The following KLF12 variants were observed in gnomAD, a reference collection of about 807,000 sequenced individuals.
KLF12 encodes the protein KLF transcription factor 12.
In KLF12, 9 loss-of-function variants were observed where a neutral mutation model predicts 37.8. That is an observed-to-expected ratio of 0.24 (90% CI 0.14 to 0.42). The LOEUF is 0.42. Ranked by LOEUF, KLF12 falls within the 10% of genes least tolerant of loss-of-function variation. The pLI is 1.00. For missense variants in KLF12, 411 were observed against 516.0 expected (o/e 0.80, Z 1.97); for synonymous variants, 208 against 202.1 (o/e 1.03, Z -0.25).
chr13:73,851,780 C>G (rs544967514), intron 3 of KLF12, among the ~76,000 whole-genome samples: 2 of 152,246 alleles, frequency 1.3e-5, no homozygotes, highest in East Asian at 3.9e-4. Context: ...GAAATTTACT[C>G]TATTTCACAT....
intron 3 of KLF12, among the ~76,000 whole-genome samples, chr13:73,904,372 T>C (rs1888173422): frequency 6.6e-6 from 1 of 151,824 alleles, no homozygotes; most frequent in Non-Finnish European, 1.5e-5. Flanking sequence ...CTATCGTAAA[T>C]GCAATTTTCA....
In KLF12 at chr13:74,088,747, G is replaced by A. The variant is rs754203849; in HGVS notation, c.-32+44992C>T. On this transcript the variant is annotated intron_variant, in intron 1 of 7. Transcript: ENST00000377669. ...ATTCAATGCCTAAACTTGTACTTCT[G>A]AAAAGTGAGAATGGTCATATTAACT... Among the ~76,000 whole-genome samples the A allele has an allele frequency of 1.7e-3, 261 of 152,146 alleles. 3 individuals carry two copies. Among genetic ancestry groups the A allele is most frequent in the Non-Finnish European group, 4.9e-4 (33 of 68,036 alleles).
intron 6 of KLF12, among the ~76,000 whole-genome samples, chr13:73,744,073 T>A (rs2137912342): frequency 6.6e-6 from 1 of 152,330 alleles, no homozygotes; most frequent in Non-Finnish European, 1.5e-5. Context: ...TTTCCATACC[T>A]CAAACAGACC....
intron 1 of KLF12, among the ~76,000 whole-genome samples, chr13:74,026,385 T>C (rs1468139910): frequency 6.6e-6 from 1 of 152,128 alleles, no homozygotes; most frequent in African/African-American, 2.4e-5. Flanking sequence ...ACTTATATAG[T>C]GAAAAAACAT....
chr13:74,205,496 T>A, the KLF12 span, among the ~76,000 whole-genome samples: 10 of 152,058 alleles, frequency 6.6e-5, no homozygotes, highest in African/African-American at 2.4e-4. Flanking sequence ...CCTACTCAAG[T>A]GTATTGAGTA....
At chr13:73,759,287 T>G (rs188148954) in intron 6 of KLF12, among the ~76,000 whole-genome samples, 246 of 152,306 alleles carry the variant, frequency 1.6e-3, no homozygotes, top group African/African-American at 5.7e-3. Flanking sequence ...GAACTGGAAT[T>G]TCCACATATT....
chr13:74,139,708 T>G, the KLF12 span, among the ~76,000 whole-genome samples: 2 of 152,276 alleles, frequency 1.3e-5, no homozygotes, highest in South Asian at 4.1e-4. Flanking sequence ...AACATTCAAT[T>G]TTTTAATACC....
chr13:74,272,648 G>A, the KLF12 span, among the ~76,000 whole-genome samples: 1 of 152,146 alleles, frequency 6.6e-6, no homozygotes, highest in East Asian at 1.9e-4. Flanking sequence ...TGATAACAAA[G>A]AGCTGAAAGA....
In KLF12 at chr13:73,769,214, C is replaced by T. The variant is rs1198879454; in HGVS notation, c.807-4214G>A. Among the ~76,000 whole-genome samples the T allele has an allele frequency of 3.3e-5, 5 of 152,178 alleles. No homozygotes were observed. The East Asian group carries it at 9.6e-4, about 29-fold the overall frequency. Reference sequence around the variant, plus strand: ...TTTAGAGGGCAGAAATTAATTCTAGCTATAGCCATGCTTCCTCACATTCCA... The same window carrying T: ...TTTAGAGGGCAGAAATTAATTCTAGTTATAGCCATGCTTCCTCACATTCCA... On this transcript the variant is annotated intron_variant, in intron 5 of 7. Transcript: ENST00000377669.
intron 5 of KLF12, among the ~76,000 whole-genome samples, chr13:73,787,175 T>C (rs922384532): frequency 6.6e-6 from 1 of 152,210 alleles, no homozygotes; most frequent in East Asian, 1.9e-4. Flanking sequence ...GTAACATCTG[T>C]AACAACTATA....
intron 2 of KLF12, among the ~76,000 whole-genome samples, chr13:73,985,947 T>C (rs1342743838): frequency 6.6e-6 from 1 of 152,310 alleles, no homozygotes. Flanking sequence ...TGGCTAGGTA[T>C]TAACTAAACT....
In KLF12 at chr13:74,110,625, G is replaced by A. The variant is rs138478685; in HGVS notation, c.-32+23114C>T. On this transcript the variant is annotated intron_variant, in intron 1 of 7. Coordinates refer to ENST00000377669, the MANE Select transcript of KLF12 (RefSeq NM_007249.5). ...GGTAGTACAGTGCTCAGAGGGGTAA[G>A]CAACTAAACAGGTCCTGGAAATAAA... is the stretch of plus-strand genomic sequence containing the variant. Among the ~76,000 whole-genome samples, 268 of 152,168 alleles carry A rather than the reference G, an allele frequency of 1.8e-3. 1 individual carries two copies. The highest frequency in any genetic ancestry group is 6.0e-3 in the African/African-American group (248 of 41,512).
Position 73,732,250 on chromosome 13 carries a change from A to AT in KLF12, c.870-16726dup, listed in dbSNP as rs879472800. Among the ~76,000 whole-genome samples the AT allele has an allele frequency of 3.8e-3, 555 of 146,402 alleles. 6 individuals carry two copies. The highest frequency in any genetic ancestry group is 0.012 in the African/African-American group (500 of 40,044). ...AGGCACCCACCACCACACCTGGCTA[A>AT]TTTTTTTTTTTGTATTTTTAGTAGA... On this transcript the variant is annotated intron_variant, in intron 6 of 7. Transcript: ENST00000377669.
intron 5 of KLF12, among the ~76,000 whole-genome samples, chr13:73,786,747 A>G (rs1258910825): frequency 5.6e-5 from 7 of 124,452 alleles, no homozygotes; most frequent in African/African-American, 1.2e-4. Context: ...AAAAATAAAA[A>G]TTACAAATAC....
intron 1 of KLF12, among the ~76,000 whole-genome samples, chr13:74,072,454 T>G (rs1874327617): frequency 7.1e-6 from 1 of 141,476 alleles, no homozygotes; most frequent in Non-Finnish European, 1.5e-5. Context: ...TAGCATACAA[T>G]CTGCCAGGTA....
chr13:73,716,297 T>C (rs1235010351), intron 6 of KLF12, among the ~76,000 whole-genome samples: 3 of 152,172 alleles, frequency 2.0e-5, no homozygotes, highest in Admixed American at 6.5e-5. Flanking sequence ...AAAATCTTAA[T>C]CTCTTTTGAT....
the KLF12 span, among the ~76,000 whole-genome samples, chr13:74,249,759 C>T: frequency 6.6e-6 from 1 of 152,068 alleles, no homozygotes; most frequent in Admixed American, 6.6e-5. Context: ...CTGAGAAATG[C>T]TCTGTGGGGT....
intron 1 of KLF12, among the ~76,000 whole-genome samples, chr13:74,123,483 A>G (rs1877758216): frequency 6.6e-6 from 1 of 152,234 alleles, no homozygotes; most frequent in Non-Finnish European, 1.5e-5. Flanking sequence ...CCTACATTGT[A>G]GGACAAAGCC....
chr13:73,890,209 T>C (rs1887435716), intron 3 of KLF12, among the ~76,000 whole-genome samples: 1 of 152,092 alleles, frequency 6.6e-6, no homozygotes, highest in South Asian at 2.1e-4. Context: ...CTGCCTGACA[T>C]AAATATCAAG....
Sources: gnomAD v4.1 joint callset for allele counts (sites outside exome capture counted in the v4.1 genomes callset) on GRCh38, gnomAD v4.1.1 for gene constraint, MANE v1.5 for transcripts, NCBI Gene and HGNC (gene_info 2026-07-23, HGNC 2026-07-21) for gene names.